Variants in RELCH observed in about 807,000 individuals in gnomAD.
RELCH encodes RAB11 binding and LisH domain, coiled-coil and HEAT repeat containing, also known as RAB11-binding protein RELCH.
In RELCH, 41 loss-of-function variants were observed where a neutral mutation model predicts 150.3. The ratio of observed to expected loss-of-function variants is 0.27; its 90% confidence interval spans 0.21 to 0.35. The LOEUF (loss-of-function observed/expected upper bound fraction) is 0.35. RELCH is among the 10% of genes least tolerant of loss of function. The pLI is 1.00. For missense variants in RELCH, 1,092 were observed against 1,467.8 expected (o/e 0.74, Z 4.18); for synonymous variants, 478 against 531.8 (o/e 0.90, Z 1.39).
intron 22 of RELCH, among the ~76,000 whole-genome samples, chr18:62,276,747 T>C (rs2044230492): frequency 6.6e-6 from 1 of 152,118 alleles, no homozygotes; most frequent in African/African-American, 2.4e-5. Context: ...TATCAGGAAG[T>C]TGAAAATTCT....
chr18:62,275,565 G>T (rs1414168110), intron 22 of RELCH, 92 bp downstream of exon 22: 1 of 764,054 alleles, frequency 1.3e-6, no homozygotes, highest in Non-Finnish European at 2.3e-6. Flanking sequence ...AAAAGGCTTT[G>T]CATATCATGT....
chr18:62,221,566 T>C, intron 5 of RELCH, 69 bp downstream of exon 5: 1 of 648,894 alleles, frequency 1.5e-6, no homozygotes. Context: ...TTTTACGTAG[T>C]TTCTTTTTTT....
At chr18:62,216,154 C>G (rs1396087781) in intron 2 of RELCH, among the ~76,000 whole-genome samples, 1 of 151,854 alleles carries the variant, frequency 6.6e-6, no homozygotes, top group Non-Finnish European at 1.5e-5. Context: ...TTCTAAATAT[C>G]GAGATAGCCA....
Position 62,187,694 on chromosome 18 carries a change from A to G in RELCH, c.189A>G (p.Leu63=). 1.3e-6 allele frequency: 2 copies of G among 1,592,498 alleles called. No homozygotes were observed. The highest frequency in any genetic ancestry group is 1.7e-6 in the Non-Finnish European group (2 of 1,166,126). The change falls in exon 1 of 29, where the codon TTA becomes TTG. Residue 63 remains leucine (L), a synonymous_variant. Transcript: ENST00000644646. ...GSLSPQDPVA[L]GSSARPGLPG... is the part of the protein sequence containing the mutation. ...TGTCGCCACAGGATCCCGTGGCCTTAGGAAGCAGTGCGCGGCCAGGGCTCC... is the reference window on the plus strand; with the variant it reads ...TGTCGCCACAGGATCCCGTGGCCTTGGGAAGCAGTGCGCGGCCAGGGCTCC...
intron 28 of RELCH, among the ~76,000 whole-genome samples, chr18:62,301,306 G>A (rs2045653088): frequency 6.6e-6 from 1 of 152,158 alleles, no homozygotes; most frequent in African/African-American, 2.4e-5. Context: ...TGCCACACTG[G>A]GAGATTTGGA....
At chr18:62,247,495 T>C (rs2148512667) in intron 11 of RELCH, 1 of 151,820 alleles carries the variant, frequency 6.6e-6, no homozygotes, top group East Asian at 1.9e-4. Flanking sequence ...GAAGACAAAG[T>C]AATAGATTTG....
At chr18:62,198,536 A>G (rs577875766) in intron 1 of RELCH, among the ~76,000 whole-genome samples, 1 of 152,312 alleles carries the variant, frequency 6.6e-6, no homozygotes, top group East Asian at 1.9e-4. Context: ...TGCTCAAGGT[A>G]GTATCGTTGA....
chr18:62,267,814 G>A (rs555711948), intron 19 of RELCH, among the ~76,000 whole-genome samples: 5 of 151,786 alleles, frequency 3.3e-5, no homozygotes, highest in Non-Finnish European at 2.9e-5. Context: ...AAAACTGACA[G>A]CTTTTGGAAT....
intron 10 of RELCH, among the ~76,000 whole-genome samples, chr18:62,239,687 A>C (rs1374834074): frequency 6.6e-6 from 1 of 151,980 alleles, no homozygotes; most frequent in Non-Finnish European, 1.5e-5. Flanking sequence ...TGTAGGTGGG[A>C]CATGGGATCT....
intron 10 of RELCH, among the ~76,000 whole-genome samples, chr18:62,232,918 A>C (rs1353845437): frequency 6.6e-6 from 1 of 152,040 alleles, no homozygotes; most frequent in Non-Finnish European, 1.5e-5. Context: ...TTTGGCAATA[A>C]ATCACATTTC....
intron 12 of RELCH, chr18:62,254,692 G>A (rs552718469): frequency 6.6e-6 from 1 of 151,916 alleles, no homozygotes; most frequent in Admixed American, 6.6e-5. Context: ...TTAATTTTAG[G>A]CATCCAATAC....
chr18:62,191,611 G>A (rs750110235), intron 1 of RELCH, among the ~76,000 whole-genome samples: 3 of 152,086 alleles, frequency 2.0e-5, no homozygotes, highest in African/African-American at 7.2e-5. Flanking sequence ...TCACTGTTCA[G>A]CTCCTACTTA....
At chr18:62,302,027 G>A (rs1284019766) in intron 28 of RELCH, among the ~76,000 whole-genome samples, 6 of 152,230 alleles carry the variant, frequency 3.9e-5, no homozygotes, top group African/African-American at 9.6e-5. Flanking sequence ...CCTTGAGACC[G>A]TGACTTGAAC....
intron 22 of RELCH, chr18:62,277,803 A>T (rs1049052551): frequency 7.3e-5 from 59 of 813,500 alleles, no homozygotes; most frequent in African/African-American, 5.5e-4. Flanking sequence ...AAATTATTTT[A>T]TAAGAGGAAT....
chr18:62,233,998 T>TA (rs947812058), intron 10 of RELCH, among the ~76,000 whole-genome samples: 3 of 151,898 alleles, frequency 2.0e-5, no homozygotes, highest in African/African-American at 7.2e-5. Flanking sequence ...TTTTTATAAT[T>TA]AAAAAATATA....
At chr18:62,263,502 G>A (rs1325704435) in intron 16 of RELCH, among the ~76,000 whole-genome samples, 1 of 151,610 alleles carries the variant, frequency 6.6e-6, no homozygotes, top group Non-Finnish European at 1.5e-5. Context: ...TATAAATAAG[G>A]ATTTATTATA....
intron 1 of RELCH, among the ~76,000 whole-genome samples, chr18:62,197,880 CTA>C (rs1341730232): frequency 2.0e-5 from 3 of 152,198 alleles, no homozygotes; most frequent in African/African-American, 7.2e-5. Flanking sequence ...CTGTGCCAGA[CTA>C]TACCAGCTAT....
chr18:62,219,325 C>CTTTTTTTTTTTTTTTTTTTTTT (rs202196452), intron 2 of RELCH, among the ~76,000 whole-genome samples: 155 of 112,806 alleles, frequency 1.4e-3, no homozygotes, highest in East Asian at 3.5e-3. Context: ...TTCTTTTTTT[C>CTTTTTTTTTTTTTTTTTTTTTT]TTTTTTTTTT....
rs1338204218 is a variant in RELCH, at chr18:62,309,316, T to A, written c.*3782T>A. 6.6e-6 allele frequency: 1 copy of A among 151,978 alleles called. No individual in the cohort carries two copies. The highest frequency in any genetic ancestry group is 2.4e-5 in the African/African-American group (1 of 41,390). 9.4% of individuals were successfully genotyped at this position (151,978 alleles called of 1,614,324 possible). A position where few individuals can be genotyped will look rare whatever the true frequency, so the allele number is the denominator to read the frequency against. On this transcript the variant is annotated 3_prime_UTR_variant, in exon 29 of 29. Transcript: ENST00000644646. ...AGTTTCTGCATATTGGTAAAAAAAT[T>A]GAATTTTAGACAATTTTCATACTGC...
Sources: allele counts gnomAD v4.1 joint callset (sites outside exome capture counted in the v4.1 genomes callset), GRCh38; gene constraint gnomAD v4.1.1; transcripts MANE v1.5; gene names NCBI Gene and HGNC (gene_info 2026-07-23, HGNC 2026-07-21).